Variants in POU6F2 observed in about 807,000 individuals in gnomAD.
POU6F2 encodes the protein POU domain, class 6, transcription factor 2.
A neutral mutation model predicts 71.3 loss-of-function variants in POU6F2; 31 were observed. The ratio of observed to expected loss-of-function variants is 0.43; its 90% CI spans 0.33 to 0.59. The LOEUF is 0.59. Ranked by LOEUF, POU6F2 falls within the 20% of genes least tolerant of loss-of-function variation. POU6F2 has a pLI of 0.04. For synonymous variants in POU6F2, 347 were observed against 355.7 expected, an observed-to-expected ratio of 0.98 and a Z score of 0.27; for missense variants, 783 against 856.8, an observed-to-expected ratio of 0.91 and a Z score of 1.07.
intron 6 of POU6F2, among the ~76,000 whole-genome samples, chr7:39,420,360 G>A (rs1048124804): frequency 2.6e-5 from 4 of 152,198 alleles, no homozygotes; most frequent in South Asian, 2.1e-4. Context: ...GACATAGTGT[G>A]CTACTCCAGA....
At chr7:39,128,913 A>T (rs2128729059) in intron 2 of POU6F2, among the ~76,000 whole-genome samples, 1 of 152,360 alleles carries the variant, frequency 6.6e-6, no homozygotes, top group East Asian at 1.9e-4. Flanking sequence ...TTAGACTCTA[A>T]GAACAAATCT....
At chr7:39,388,791 C>T (rs1206848127) in intron 5 of POU6F2, among the ~76,000 whole-genome samples, 1 of 152,168 alleles carries the variant, frequency 6.6e-6, no homozygotes, top group Non-Finnish European at 1.5e-5. Flanking sequence ...AGTACATAAA[C>T]TCTATTTCAT....
intron 7 of POU6F2, among the ~76,000 whole-genome samples, chr7:39,436,057 G>A (rs1788234383): frequency 6.6e-6 from 1 of 152,170 alleles, no homozygotes; most frequent in Admixed American, 6.5e-5. Flanking sequence ...GAGGCGGAGT[G>A]ATGCCTCCAG....
At chr7:39,004,449 G>C (rs999967065) in intron 1 of POU6F2, among the ~76,000 whole-genome samples, 11 of 152,154 alleles carry the variant, frequency 7.2e-5, no homozygotes, top group African/African-American at 2.2e-4. Context: ...ATGAGAATTT[G>C]TTCCACTAAA....
At chr7:39,171,163 G>A (rs1255647857) in intron 2 of POU6F2, among the ~76,000 whole-genome samples, 1 of 151,402 alleles carries the variant, frequency 6.6e-6, no homozygotes, top group Non-Finnish European at 1.5e-5. Flanking sequence ...CATGCATTAG[G>A]TATTTGTCCT....
At position 39,259,429 on chromosome 7, in the gene POU6F2, G is replaced by A. The variant is rs190572026; in HGVS notation, c.598+51809G>A. Among the ~76,000 whole-genome samples the A allele has an allele frequency of 2.0e-5, 3 of 152,220 alleles. No individual in the cohort carries two copies. The East Asian group carries it at 5.8e-4, about 29-fold the overall frequency. ...CTTGAACAGAGAGAAAAACAAAATG[G>A]CCTGTTGGGCCCCGAGTAGGGAGAT... On this transcript the variant is annotated intron_variant, in intron 4 of 9. Coordinates refer to ENST00000518318, the MANE Select transcript of POU6F2 (RefSeq NM_001370959.1).
chr7:39,439,725 G>A (rs1445784723), intron 7 of POU6F2, among the ~76,000 whole-genome samples: 2 of 152,098 alleles, frequency 1.3e-5, no homozygotes, highest in Non-Finnish European at 2.9e-5. Context: ...CTGACCTTAG[G>A]TGATCCACCC....
intron 5 of POU6F2, among the ~76,000 whole-genome samples, chr7:39,389,292 C>T (rs1376734247): frequency 6.6e-6 from 1 of 152,154 alleles, no homozygotes; most frequent in East Asian, 1.9e-4. Context: ...TGACATGCTT[C>T]AAAACAATCT....
In POU6F2 at chr7:39,179,778, G is replaced by T. The variant is rs371207765; in HGVS notation, c.278-24457G>T. On this transcript the variant is annotated intron_variant, in intron 2 of 9. Coordinates refer to ENST00000518318, the MANE Select transcript of POU6F2 (RefSeq NM_001370959.1). Reference sequence around the variant, plus strand: ...GGTTATAATCACTCCTTGTCTACTGGAAAGTTCCCAGAGCTGGTGGGGAGC... The same window carrying T: ...GGTTATAATCACTCCTTGTCTACTGTAAAGTTCCCAGAGCTGGTGGGGAGC... Among the ~76,000 whole-genome samples, 147 of 152,316 alleles carry T rather than the reference G, an allele frequency of 9.7e-4. 2 individuals are homozygous for T. In the South Asian group the frequency reaches 0.022, roughly 22 times the overall value.
chr7:39,016,031 A>T (rs750136343), intron 1 of POU6F2, among the ~76,000 whole-genome samples: 78 of 33,992 alleles, frequency 2.3e-3, no homozygotes, highest in Non-Finnish European at 3.1e-3. Context: ...TATTATATAT[A>T]GATATATATT....
At chr7:39,288,504 G>A (rs749454489) in intron 4 of POU6F2, among the ~76,000 whole-genome samples, 18 of 152,098 alleles carry the variant, frequency 1.2e-4, no homozygotes, top group South Asian at 6.2e-4. Flanking sequence ...TTCTGTTCAC[G>A]AACACCTTGG....
rs569055714 is a variant in POU6F2, at chr7:39,451,679, G to C, written c.1467G>C (p.Leu489Phe). 6.2e-7 allele frequency: 1 copy of C among 1,601,898 alleles called. No individual in the cohort carries two copies. Among genetic ancestry groups the C allele is most frequent in the Non-Finnish European group, 8.5e-7 (1 of 1,174,074 alleles). Residue 489 changes from leucine (L) to phenylalanine (F), a missense_variant, in exon 8 of 10, where the codon TTG becomes TTC. By Grantham distance (22) the Leu-to-Phe change is conservative (BLOSUM62 0). This residue lies in a region of POU6F2 where 572 missense variants were observed against 572.9 expected (regional missense o/e 1.00). Coordinates refer to ENST00000518318, the MANE Select transcript of POU6F2 (RefSeq NM_001370959.1). ...CCTCATCCTCCTCTTCTTCAGCTTT[G>C]AGCGTGGGCCAGTTAGTCAGCAGTA... ...SSSSSSSSSA[L>F]SVGQLVSNPQ...
intron 5 of POU6F2, among the ~76,000 whole-genome samples, chr7:39,378,091 G>T (rs1786745494): frequency 6.6e-6 from 1 of 152,148 alleles, no homozygotes; most frequent in Admixed American, 6.5e-5. Flanking sequence ...CCCATCTCTT[G>T]ACCCAGGTTT....
intron 1 of POU6F2, among the ~76,000 whole-genome samples, chr7:38,981,992 A>C (rs1452996916): frequency 6.6e-6 from 1 of 152,230 alleles, no homozygotes; most frequent in Admixed American, 6.5e-5. Flanking sequence ...AAAGTATTTA[A>C]TGTAGATTTA....
At chr7:39,332,716 T>G (rs1785680703) in intron 4 of POU6F2, among the ~76,000 whole-genome samples, 5 of 152,232 alleles carry the variant, frequency 3.3e-5, no homozygotes. Context: ...CTCCAAAATC[T>G]TTTTGGATTT....
chr7:39,099,413 A>C (rs1487669740), intron 2 of POU6F2, among the ~76,000 whole-genome samples: 1 of 152,186 alleles, frequency 6.6e-6, no homozygotes, highest in Non-Finnish European at 1.5e-5. Flanking sequence ...GCTCCAGGCC[A>C]AGCACTTCTA....
chr7:39,352,249 C>T (rs17619378), intron 5 of POU6F2, among the ~76,000 whole-genome samples: 26,087 of 152,136 alleles, frequency 0.17, 2,483 homozygotes, highest in Admixed American at 0.24. Context: ...CTAACAGAAA[C>T]CCTGTGAGAA....
chr7:39,164,650 G>A (rs893140215), intron 2 of POU6F2, among the ~76,000 whole-genome samples: 23 of 152,012 alleles, frequency 1.5e-4, no homozygotes, highest in African/African-American at 5.5e-4. Context: ...CTGAAGCAGG[G>A]TGGAGTTCAC....
intron 6 of POU6F2, among the ~76,000 whole-genome samples, chr7:39,414,568 A>G (rs956036804): frequency 2.0e-4 from 31 of 152,162 alleles, no homozygotes; most frequent in African/African-American, 7.5e-4. Context: ...CGGGCGGCGG[A>G]CTTGACAGGA....
Sources: allele counts gnomAD v4.1 joint callset (sites outside exome capture counted in the v4.1 genomes callset), GRCh38; gene constraint gnomAD v4.1.1; regional missense constraint gnomAD v4.1.1; transcripts MANE v1.5; gene names NCBI Gene and HGNC (gene_info 2026-07-23, HGNC 2026-07-21).